SEMA3D: variants seen among roughly 807,000 people sequenced by gnomAD.
SEMA3D encodes semaphorin-3D.
SEMA3D carries 84 observed loss-of-function variants against 100.1 expected under a neutral mutation model. That is an observed-to-expected ratio of 0.84 (90% CI 0.70 to 1.01). The LOEUF is 1.01. Ranked by LOEUF, SEMA3D falls within the 50% of genes least tolerant of loss-of-function variation. The pLI, the probability that SEMA3D is intolerant of heterozygous loss-of-function variation, is 0.00. For synonymous variants in SEMA3D, 312 were observed against 320.7 expected, an observed-to-expected ratio of 0.97 and a Z score of 0.29; for missense variants, 875 against 934.1, an observed-to-expected ratio of 0.94 and a Z score of 0.82.
At chr7:85,041,223 AT>A (rs59852948) in intron 10 of SEMA3D, 68 of 147,688 alleles carry the variant, frequency 4.6e-4, no homozygotes, top group Middle Eastern at 3.5e-3. Context: ...AGCCCGGCTA[AT>A]TTTTTTTTTT....
the SEMA3D span, among the ~76,000 whole-genome samples, chr7:85,218,494 C>T: frequency 6.6e-6 from 1 of 152,070 alleles, no homozygotes; most frequent in Admixed American, 6.6e-5. Context: ...TATATAATTT[C>T]TCACTATATC....
chr7:85,119,617 G>T (rs1169192343), intron 3 of SEMA3D, among the ~76,000 whole-genome samples: 1 of 152,152 alleles, frequency 6.6e-6, no homozygotes, highest in Non-Finnish European at 1.5e-5. Context: ...AGAGCATGGA[G>T]GTAGGGAGCA....
chr7:85,242,356 G>A, the SEMA3D span, among the ~76,000 whole-genome samples: 1 of 151,882 alleles, frequency 6.6e-6, no homozygotes, highest in Admixed American at 6.6e-5. Context: ...CACAAATTTT[G>A]ATAAGTTGTA....
At chr7:85,094,365 T>G (rs1432474390) in intron 4 of SEMA3D, among the ~76,000 whole-genome samples, 1 of 152,030 alleles carries the variant, frequency 6.6e-6, no homozygotes, top group Non-Finnish European at 1.5e-5. Flanking sequence ...GTGAACAGAT[T>G]AGATAGGAGA....
rs2115805158 is a variant in SEMA3D at position 85,015,112 on chromosome 7, G to A, written c.1650C>T (p.Pro550=). The change falls in exon 16 of 19, where the codon CCC becomes CCT. Residue 550 remains proline (P), a synonymous_variant. Transcript: ENST00000284136. ...ACADCCLARD[P]YCAWDGNACS... ...ATGCATTTCCATCCCAGGCACAGTA[G>A]GGGTCTCTGGCAAGACAACAGTCTG... The A allele has an allele frequency of 1.2e-6, 2 of 1,611,800 alleles. No individual in the cohort carries two copies. The highest frequency in any genetic ancestry group is 4.5e-5 in the East Asian group (2 of 44,780).
chr7:85,130,847 A>G (rs1789707449), intron 2 of SEMA3D, among the ~76,000 whole-genome samples: 1 of 152,086 alleles, frequency 6.6e-6, no homozygotes, highest in Non-Finnish European at 1.5e-5. Context: ...GACATGTCAA[A>G]ACACACTAGC....
chr7:85,206,281 TTTC>T, the SEMA3D span, among the ~76,000 whole-genome samples: 1 of 152,140 alleles, frequency 6.6e-6, no homozygotes, highest in Non-Finnish European at 1.5e-5. Flanking sequence ...TACAAATATT[TTTC>T]TTCTTTTTAC....
the SEMA3D span, among the ~76,000 whole-genome samples, chr7:85,201,203 T>G: frequency 6.6e-6 from 1 of 152,308 alleles, no homozygotes; most frequent in South Asian, 2.1e-4. Flanking sequence ...GATGCTTGGT[T>G]TCCACCATTT....
chr7:85,249,993 C>T, the SEMA3D span, among the ~76,000 whole-genome samples: 1 of 151,568 alleles, frequency 6.6e-6, no homozygotes, highest in African/African-American at 2.4e-5. Context: ...GAGAGTGGGC[C>T]CAGGTCAGCG....
chr7:85,247,746 G>A, the SEMA3D span, among the ~76,000 whole-genome samples: 1 of 152,084 alleles, frequency 6.6e-6, no homozygotes, highest in Non-Finnish European at 1.5e-5. Flanking sequence ...TAAACCCACA[G>A]ATATAGTCAA....
At chr7:85,091,017 A>G (rs917651045) in intron 4 of SEMA3D, among the ~76,000 whole-genome samples, 1 of 151,678 alleles carries the variant, frequency 6.6e-6, no homozygotes, top group Non-Finnish European at 1.5e-5. Flanking sequence ...GAAAGAAACG[A>G]AAAGAGAAAA....
the SEMA3D span, among the ~76,000 whole-genome samples, chr7:85,238,536 C>A: frequency 1.3e-5 from 2 of 152,154 alleles, no homozygotes; most frequent in Non-Finnish European, 2.9e-5. Context: ...TCTGGGCTAT[C>A]TATTCTATTC....
At chr7:85,104,772 A>G (rs974942499) in intron 3 of SEMA3D, among the ~76,000 whole-genome samples, 1 of 151,940 alleles carries the variant, frequency 6.6e-6, no homozygotes, top group Non-Finnish European at 1.5e-5. Context: ...AGAAGACTAC[A>G]TAGATTAAAA....
intron 3 of SEMA3D, among the ~76,000 whole-genome samples, chr7:85,117,024 T>C (rs1369874576): frequency 6.6e-6 from 1 of 152,180 alleles, no homozygotes; most frequent in Admixed American, 6.5e-5. Flanking sequence ...GTCTTTGTGC[T>C]CTCCTTTTAA....
chr7:85,176,052 T>C (rs558019654), intron 1 of SEMA3D, among the ~76,000 whole-genome samples: 1 of 151,816 alleles, frequency 6.6e-6, no homozygotes, highest in African/African-American at 2.4e-5. Context: ...ATCATGAAGA[T>C]ATATTGATAG....
In SEMA3D at chr7:85,068,225, G is replaced by A. The variant is rs750300091; in HGVS notation, c.555C>T (p.Phe185=). The A allele has an allele frequency of 8.1e-6, 13 of 1,608,026 alleles. No individual in the cohort carries two copies. The highest frequency in any genetic ancestry group is 3.3e-5 in the Admixed American group (2 of 59,978). Residue 185 remains phenylalanine (F), a synonymous_variant, in exon 7 of 19, where the codon TTC becomes TTT. Coordinates refer to ENST00000284136, the MANE Select transcript of SEMA3D (RefSeq NM_001384900.1). ...CTGAAGCAAAAGGCTGCTGAGGATC[G>A]AAAGGACATTTCAGTCTGCCAGACT... ...NLESGRLKCP[F]DPQQPFASVM... is the part of the protein sequence containing the mutation.
intron 11 of SEMA3D, 110 bp downstream of exon 11, chr7:85,040,563 A>T: frequency 1.6e-6 from 1 of 634,558 alleles, no homozygotes; most frequent in East Asian, 3.0e-5. Flanking sequence ...ATGAAAAAAA[A>T]AGTTTACGAT....
At position 85,097,862 on chromosome 7, in the gene SEMA3D, T is replaced by A; in HGVS notation, c.255A>T (p.Gly85=). The A allele has an allele frequency of 6.2e-7, 1 of 1,609,388 alleles. No individual in the cohort carries two copies. The highest frequency in any genetic ancestry group is 8.5e-7 in the Non-Finnish European group (1 of 1,176,716). The change falls in exon 4 of 19, where the codon GGA becomes GGT. Residue 85 remains glycine (G), a synonymous_variant. Coordinates refer to ENST00000284136, the MANE Select transcript of SEMA3D (RefSeq NM_001384900.1). ...LDEERGRLLL[G]AKDHIFLLSL... is the part of the protein sequence containing the mutation. ...TGAGTAGAAAGATGTGGTCTTTGGC[T>A]CCCAAGAGCAGCCTGCCTCTTTCCT...
chr7:85,052,221 G>A (rs926408053), intron 9 of SEMA3D, among the ~76,000 whole-genome samples: 1 of 151,734 alleles, frequency 6.6e-6, no homozygotes, highest in Non-Finnish European at 1.5e-5. Context: ...AATATTTCTC[G>A]ATCCAGATAC....
Sources: allele counts gnomAD v4.1 joint callset (sites outside exome capture counted in the v4.1 genomes callset), GRCh38; gene constraint gnomAD v4.1.1; transcripts MANE v1.5; gene names NCBI Gene and HGNC (gene_info 2026-07-23, HGNC 2026-07-21).